DSTN: variants seen among roughly 807,000 people sequenced by gnomAD.
DSTN encodes the protein destrin.
Under a neutral mutation model 16.8 loss-of-function variants are expected in DSTN, and 10 were observed. That is an observed-to-expected ratio of 0.60 (90% CI 0.37 to 1.01). DSTN has a LOEUF of 1.01. Among genes scored for constraint, DSTN ranks in the 50% least tolerant of loss-of-function variants. The pLI is 0.01. For synonymous variants in DSTN, 57 were observed against 58.9 expected (o/e 0.97, Z 0.14); for missense variants, 141 against 196.7 (o/e 0.72, Z 1.69).
chr20:17,583,145 T>TAG (rs2035364747), intron 1 of DSTN, among the ~76,000 whole-genome samples: 1 of 152,182 alleles, frequency 6.6e-6, no homozygotes, highest in Admixed American at 6.5e-5. Context: ...AAACCGCAAA[T>TAG]ACTGCTTTGT....
chr20:17,604,676 C>A, intron 3 of DSTN, 45 bp downstream of exon 3: 2 of 1,565,258 alleles, frequency 1.3e-6, no homozygotes. Context: ...ATGGTGAACA[C>A]TCAGAATGGG....
chr20:17,608,880 A>C lies in DSTN; in HGVS notation c.*1734A>C, dbSNP rs545204269. On this transcript the variant is annotated 3_prime_UTR_variant, in exon 4 of 4. Coordinates refer to ENST00000246069, the MANE Select transcript of DSTN (RefSeq NM_006870.4). Reference sequence around the variant, plus strand: ...TATACTATGGTGGTCCCATACAATTATAATGTATTTTCTACTGTAATTAGA... The same window carrying C: ...TATACTATGGTGGTCCCATACAATTCTAATGTATTTTCTACTGTAATTAGA... 9.9e-5 allele frequency: 15 copies of C among 152,218 alleles called. No individual in the cohort carries two copies. The highest frequency in any genetic ancestry group is 2.6e-4 in the Admixed American group (4 of 15,282). 9.4% of individuals were successfully genotyped at this position (152,218 alleles called of 1,614,324 possible).
chr20:17,587,875 T>C (rs897098664), intron 1 of DSTN, among the ~76,000 whole-genome samples: 7 of 152,222 alleles, frequency 4.6e-5, no homozygotes, highest in African/African-American at 1.4e-4. Flanking sequence ...ATTTAAAATT[T>C]AAAATTTCTT....
intron 1 of DSTN, among the ~76,000 whole-genome samples, chr20:17,581,983 T>C (rs2035350421): frequency 6.6e-6 from 1 of 152,154 alleles, no homozygotes; most frequent in Admixed American, 6.6e-5. Context: ...CAAGAAGTAA[T>C]TATTAACTAC....
At chr20:17,593,654 T>A (rs2035495251) in intron 1 of DSTN, among the ~76,000 whole-genome samples, 1 of 152,144 alleles carries the variant, frequency 6.6e-6, no homozygotes, top group Non-Finnish European at 1.5e-5. Context: ...AGGCAGGGTG[T>A]ATAGTATGAG....
At chr20:17,582,469 AG>A (rs1361829182) in intron 1 of DSTN, among the ~76,000 whole-genome samples, 1 of 152,220 alleles carries the variant, frequency 6.6e-6, no homozygotes, top group Non-Finnish European at 1.5e-5. Flanking sequence ...GATGAAAATA[AG>A]GGAATGAGAG....
intron 2 of DSTN, among the ~76,000 whole-genome samples, chr20:17,601,617 T>C (rs1262249728): frequency 6.6e-6 from 1 of 152,250 alleles, no homozygotes; most frequent in African/African-American, 2.4e-5. Context: ...AAATGCTCAG[T>C]AGCCACATCT....
chr20:17,570,424 C>T (rs1055142227), intron 1 of DSTN, among the ~76,000 whole-genome samples: 2 of 152,228 alleles, frequency 1.3e-5, no homozygotes, highest in African/African-American at 2.4e-5. Context: ...GGTGGATCCG[C>T]GGCTGTTGCG....
chr20:17,570,491 A>G (rs1453261445), intron 1 of DSTN, among the ~76,000 whole-genome samples: 1 of 152,176 alleles, frequency 6.6e-6, no homozygotes, highest in Non-Finnish European at 1.5e-5. Flanking sequence ...GGGTGTCTCC[A>G]GACCCGGCCT....
chr20:17,581,513 T>C (rs2035344061), intron 1 of DSTN, among the ~76,000 whole-genome samples: 1 of 152,148 alleles, frequency 6.6e-6, no homozygotes, highest in Non-Finnish European at 1.5e-5. Context: ...CAACCAACTA[T>C]TGCTTTATTC....
chr20:17,593,365 A>G (rs2035491311), intron 1 of DSTN, among the ~76,000 whole-genome samples: 1 of 152,148 alleles, frequency 6.6e-6, no homozygotes, highest in African/African-American at 2.4e-5. Flanking sequence ...CATCTGACTG[A>G]TCTTTGATTT....
intron 1 of DSTN, among the ~76,000 whole-genome samples, chr20:17,591,570 T>C (rs1292410027): frequency 6.6e-6 from 1 of 152,216 alleles, no homozygotes; most frequent in African/African-American, 2.4e-5. Context: ...TTATTCTCTT[T>C]CATGAAATTT....
intron 1 of DSTN, among the ~76,000 whole-genome samples, chr20:17,591,366 T>C (rs978436981): frequency 1.3e-5 from 2 of 151,372 alleles, no homozygotes; most frequent in African/African-American, 4.9e-5. Context: ...GGCAATCCTG[T>C]ATATTTTATT....
At chr20:17,572,049 T>TATTCTCTAATACCCACAA (rs2035213048) in intron 1 of DSTN, among the ~76,000 whole-genome samples, 2 of 152,198 alleles carry the variant, frequency 1.3e-5, no homozygotes, top group Admixed American at 1.3e-4. Flanking sequence ...TTAGAGAATA[T>TATTCTCTAATACCCACAA]TGTGGGTATT....
intron 1 of DSTN, among the ~76,000 whole-genome samples, chr20:17,581,938 T>C (rs371763922): frequency 5.5e-4 from 84 of 152,334 alleles, no homozygotes; most frequent in Middle Eastern, 3.4e-3. Flanking sequence ...TGGGACATTT[T>C]CTTTTAAGCC....
intron 1 of DSTN, among the ~76,000 whole-genome samples, chr20:17,581,439 C>T (rs1013095420): frequency 2.6e-5 from 4 of 152,172 alleles, no homozygotes; most frequent in Non-Finnish European, 5.9e-5. Context: ...GCCAAGTTCA[C>T]GCCATTGCCC....
intron 1 of DSTN, among the ~76,000 whole-genome samples, chr20:17,594,477 T>C (rs556614824): frequency 2.6e-5 from 4 of 152,292 alleles, no homozygotes; most frequent in African/African-American, 9.6e-5. Flanking sequence ...AGGATTCACA[T>C]CTAAAAAGCT....
At chr20:17,574,623 G>A (rs888320387) in intron 1 of DSTN, among the ~76,000 whole-genome samples, 2 of 150,818 alleles carry the variant, frequency 1.3e-5, no homozygotes, top group African/African-American at 4.9e-5. Flanking sequence ...CTACTCAGGA[G>A]GCTGAGGCAG....
intron 2 of DSTN, among the ~76,000 whole-genome samples, chr20:17,602,708 T>G (rs976314676): frequency 2.6e-5 from 4 of 152,188 alleles, no homozygotes; most frequent in African/African-American, 9.6e-5. Context: ...TGCTTTTTTA[T>G]GTTTCTGACC....
Sources: gnomAD v4.1 joint callset for allele counts (sites outside exome capture counted in the v4.1 genomes callset) on GRCh38, gnomAD v4.1.1 for gene constraint, MANE v1.5 for transcripts, NCBI Gene and HGNC (gene_info 2026-07-23, HGNC 2026-07-21) for gene names.